Variants in ZXDC observed in about 807,000 individuals in gnomAD.
ZXDC encodes zinc finger protein ZXDC.
A neutral mutation model predicts 63.6 loss-of-function variants in ZXDC; 58 were observed. That is an observed-to-expected ratio of 0.91 (90% confidence interval 0.74 to 1.13). ZXDC has a LOEUF of 1.13. Among genes scored for constraint, ZXDC ranks in the 50% most tolerant of loss-of-function variants. The pLI, the probability that ZXDC is intolerant of heterozygous loss-of-function variation, is 0.00. For missense variants in ZXDC, 1,133 were observed against 1,148.9 expected, an observed-to-expected ratio of 0.99 and a Z score of 0.20; for synonymous variants, 561 against 496.1, an observed-to-expected ratio of 1.13 and a Z score of -1.74.
intron 7 of ZXDC, chr3:126,459,330 G>A (rs1433690960): frequency 1.0e-6 from 1 of 985,304 alleles, no homozygotes; most frequent in Non-Finnish European, 1.2e-6. Flanking sequence ...TTCAGCACCA[G>A]GCACAATCTC....
chr3:126,472,387 C>A, intron 1 of ZXDC, 82 bp from the exon 2 acceptor site: 1 of 1,506,308 alleles, frequency 6.6e-7, no homozygotes, highest in South Asian at 1.2e-5. Flanking sequence ...CCCACCAGAC[C>A]CTGTTCACAC....
intron 7 of ZXDC, 24 bp from the exon 8 acceptor site, chr3:126,441,970 C>T (rs1448203706): frequency 1.3e-6 from 2 of 1,568,512 alleles, no homozygotes; most frequent in Admixed American, 3.6e-5. Flanking sequence ...TAAAAACGAG[C>T]ACACCCAATC....
chr3:126,440,398 CA>C, intron 8 of ZXDC: 1 of 985,554 alleles, frequency 1.0e-6, no homozygotes, highest in Non-Finnish European at 1.2e-6. Context: ...TCATAGATGA[CA>C]AAACTGAGGC....
intron 5 of ZXDC, among the ~76,000 whole-genome samples, chr3:126,463,199 A>C (rs1361329718): frequency 1.3e-5 from 2 of 151,530 alleles, no homozygotes; most frequent in Non-Finnish European, 2.9e-5. Flanking sequence ...TCCCCGAGTA[A>C]CTGGGACTAC....
At chr3:126,447,844 C>T (rs1466230180) in intron 7 of ZXDC, among the ~76,000 whole-genome samples, 2 of 152,240 alleles carry the variant, frequency 1.3e-5, no homozygotes, top group African/African-American at 2.4e-5. Context: ...CACCCTCGCC[C>T]GCTGTCCATG....
At chr3:126,470,740 C>T (rs889744034) in intron 4 of ZXDC, among the ~76,000 whole-genome samples, 155 bp downstream of exon 4, 1 of 152,222 alleles carries the variant, frequency 6.6e-6, no homozygotes, top group African/African-American at 2.4e-5. Flanking sequence ...CAAAATAGTA[C>T]AATTAACTCA....
intron 5 of ZXDC, among the ~76,000 whole-genome samples, chr3:126,465,186 C>T (rs10934778): frequency 0.61 from 92,791 of 152,104 alleles, 28,873 homozygotes; most frequent in South Asian, 0.74. Flanking sequence ...ACTCTAGGGC[C>T]AGCTAGGATG....
rs1935130098 is a variant in ZXDC at position 126,475,039 on chromosome 3, C to G, written c.827G>C (p.Arg276Pro). The G allele has an allele frequency of 1.3e-6, 2 of 1,599,800 alleles. No homozygotes were observed. Among genetic ancestry groups the G allele is most frequent in the African/African-American group, 2.7e-5 (2 of 74,696 alleles). ...SLFKCEVCAE[R>P]FPTHAKLSSH... ...GCTGAGCTTGGCGTGCGTGGGGAAG[C>G]GCTCGGCGCACACCTCGCACTTGAA... The change falls in exon 1 of 10, where the codon CGC becomes CCC. Residue 276 changes from arginine (R) to proline (P), a missense_variant. Transcript: ENST00000389709.
intron 7 of ZXDC, among the ~76,000 whole-genome samples, chr3:126,456,447 C>T (rs1328653417): frequency 6.6e-6 from 1 of 152,254 alleles, no homozygotes; most frequent in Non-Finnish European, 1.5e-5. Flanking sequence ...CAACAAAACT[C>T]CAGACAGTGA....
intron 7 of ZXDC, among the ~76,000 whole-genome samples, chr3:126,455,575 C>G (rs773945259): frequency 5.9e-5 from 9 of 152,108 alleles, no homozygotes; most frequent in Non-Finnish European, 8.8e-5. Flanking sequence ...AACAAAAAGC[C>G]AGGATGGAGA....
chr3:126,474,705 G>C (rs1017273001), intron 1 of ZXDC, among the ~76,000 whole-genome samples: 1 of 152,272 alleles, frequency 6.6e-6, no homozygotes. Context: ...GCACAAGCAG[G>C]TTAAGGATAT....
At chr3:126,464,121 T>C (rs372161317) in intron 5 of ZXDC, among the ~76,000 whole-genome samples, 2 of 152,244 alleles carry the variant, frequency 1.3e-5, no homozygotes, top group East Asian at 1.9e-4. Context: ...ATAATCTCAG[T>C]GCAAATGATA....
chr3:126,457,362 C>T (rs1934348479), intron 7 of ZXDC: 1 of 985,298 alleles, frequency 1.0e-6, no homozygotes, highest in African/African-American at 1.7e-5. Flanking sequence ...ACAGCAGACC[C>T]ATGGGCGCGG....
intron 7 of ZXDC, chr3:126,458,481 A>G: frequency 1.8e-6 from 1 of 559,508 alleles, no homozygotes; most frequent in Non-Finnish European, 2.3e-6. Flanking sequence ...CAGGTGATCC[A>G]CCCACCTCGG....
intron 7 of ZXDC, chr3:126,454,182 C>A (rs1457392766): frequency 4.1e-6 from 4 of 978,876 alleles, no homozygotes. Flanking sequence ...CTTTATTAAT[C>A]CCATTTTAAA....
intron 7 of ZXDC, chr3:126,458,499 A>G: frequency 1.3e-6 from 1 of 797,432 alleles, no homozygotes; most frequent in Non-Finnish European, 1.5e-6. Flanking sequence ...CGGCCTCCCA[A>G]AGTGCTGGGA....
chr3:126,474,864 G>C lies in ZXDC; in HGVS notation c.907+95C>G, dbSNP rs899772073. On this transcript the variant is annotated intron_variant, in intron 1 of 9. Transcript: ENST00000389709. ...CCCGAAGAGCCTGCGTCCCCGGCTT[G>C]CTAAGGTCTGGCAGGCCCCTCTGTG... is the stretch of plus-strand genomic sequence containing the variant. 15 of 1,371,086 alleles carry C rather than the reference G, an allele frequency of 1.1e-5. No homozygotes were observed. The African/African-American group carries it at 1.6e-4, about 15-fold the overall frequency. The allele number at this position is 1,371,086 out of a possible 1,614,324, so 84.9% of individuals were successfully genotyped here.
Position 126,475,543 on chromosome 3 carries a change from G to A in ZXDC, c.323C>T (p.Pro108Leu). Residue 108 changes from proline (P) to leucine (L), a missense_variant, in exon 1 of 10, where the codon CCC (proline) becomes CTC (leucine). Pro to Leu is a moderately conservative substitution (Grantham distance 98). Coordinates refer to ENST00000389709, the MANE Select transcript of ZXDC (RefSeq NM_025112.5). The part of the protein sequence containing the change: ...PGSRVNLASR[P>L]EQGPSGPAAP... The stretch of plus-strand genomic sequence containing the variant: ...GGCCGGGCCGCTGGGGCCCTGCTCG[G>A]GGCGGCTCGCCAGGTTGACACGGGA... 1.5e-6 allele frequency: 2 copies of A among 1,361,800 alleles called. No homozygotes were observed. Among genetic ancestry groups the A allele is most frequent in the Non-Finnish European group, 1.9e-6 (2 of 1,056,136 alleles). The allele number at this position is 1,361,800 out of a possible 1,614,324, so 84.4% of individuals were successfully genotyped here.
At chr3:126,451,639 C>G (rs1934102652) in intron 7 of ZXDC, 1 of 985,296 alleles carries the variant, frequency 1.0e-6, no homozygotes, top group African/African-American at 1.7e-5. Context: ...GAAGGCCTAG[C>G]CGACCTGGCC....
Sources: allele counts gnomAD v4.1 joint callset (sites outside exome capture counted in the v4.1 genomes callset), GRCh38; gene constraint gnomAD v4.1.1; transcripts MANE v1.5; gene names NCBI Gene and HGNC (gene_info 2026-07-23, HGNC 2026-07-21).